The following KCNH8 variants were observed in gnomAD, a reference collection of about 807,000 sequenced individuals.
KCNH8 encodes voltage-gated delayed rectifier potassium channel KCNH8.
In KCNH8, 70 loss-of-function variants were observed where a neutral mutation model predicts 103.6. The ratio of observed to expected loss-of-function variants is 0.68; its 90% CI spans 0.56 to 0.82. The LOEUF (loss-of-function observed/expected upper bound fraction) is 0.82, where lower values mean the gene tolerates loss of function less well. Among genes scored for constraint, KCNH8 ranks in the 40% least tolerant of loss-of-function variants. The pLI is 0.00. For missense variants in KCNH8, 1,217 were observed against 1,329.9 expected, an observed-to-expected ratio of 0.92 and a Z score of 1.32; for synonymous variants, 498 against 489.4, an observed-to-expected ratio of 1.02 and a Z score of -0.23.
Position 19,453,141 on chromosome 3 carries a change from G to A in KCNH8, c.1825+1737G>A, listed in dbSNP as rs564034936. Among the ~76,000 whole-genome samples, 17 of 152,190 alleles carry A rather than the reference G, an allele frequency of 1.1e-4. 1 individual carries two copies. The East Asian group carries it at 3.1e-3, about 28-fold the overall frequency. On this transcript the variant is annotated intron_variant, in intron 10 of 15. Coordinates refer to ENST00000328405, the MANE Select transcript of KCNH8 (RefSeq NM_144633.3). The stretch of plus-strand genomic sequence containing the variant: ...ACATGTTCTCACTTATAATTGGGAG[G>A]TAAATAAAGTGTACAGATGGACATA...
At chr3:19,392,039 T>C (rs2066444834) in intron 6 of KCNH8, among the ~76,000 whole-genome samples, 1 of 151,454 alleles carries the variant, frequency 6.6e-6, no homozygotes, top group African/African-American at 2.4e-5. Flanking sequence ...TACTTTTTTA[T>C]GTTCCATTTT....
At chr3:19,381,520 C>T (rs2066287854) in intron 5 of KCNH8, among the ~76,000 whole-genome samples, 1 of 151,982 alleles carries the variant, frequency 6.6e-6, no homozygotes, top group Non-Finnish European at 1.5e-5. Context: ...GAAAATATAG[C>T]ACAATTCCTG....
At chr3:19,328,801 A>T (rs1292389393) in intron 3 of KCNH8, among the ~76,000 whole-genome samples, 1 of 152,188 alleles carries the variant, frequency 6.6e-6, no homozygotes, top group African/African-American at 2.4e-5. Flanking sequence ...TTAGAACAAA[A>T]TAGTGAATAA....
At chr3:19,211,137 G>A (rs1231588820) in intron 1 of KCNH8, among the ~76,000 whole-genome samples, 22 of 152,104 alleles carry the variant, frequency 1.4e-4, no homozygotes, top group Non-Finnish European at 4.4e-5. Flanking sequence ...GAAAGGTATT[G>A]TGGGTGAAAA....
At chr3:19,214,919 G>T (rs1344943604) in intron 1 of KCNH8, among the ~76,000 whole-genome samples, 1 of 152,202 alleles carries the variant, frequency 6.6e-6, no homozygotes, top group Non-Finnish European at 1.5e-5. Flanking sequence ...CTGGAGAAAG[G>T]TCTGCCATTA....
At chr3:19,297,760 G>A (rs1045980735) in intron 3 of KCNH8, among the ~76,000 whole-genome samples, 2 of 152,226 alleles carry the variant, frequency 1.3e-5, no homozygotes, top group African/African-American at 4.8e-5. Flanking sequence ...CAAAAACAGA[G>A]AAGTGGTGAA....
intron 4 of KCNH8, among the ~76,000 whole-genome samples, chr3:19,347,280 T>C (rs1273158205): frequency 6.6e-6 from 1 of 152,094 alleles, no homozygotes; most frequent in African/African-American, 2.4e-5. Context: ...AAAAGCACCA[T>C]TGCTGTCATC....
intron 3 of KCNH8, among the ~76,000 whole-genome samples, chr3:19,288,421 C>T (rs2064868141): frequency 6.6e-6 from 1 of 151,602 alleles, no homozygotes; most frequent in African/African-American, 2.4e-5. Context: ...TGATATTCCC[C>T]TTCCTGTATC....
At chr3:19,302,438 T>C (rs549807596) in intron 3 of KCNH8, among the ~76,000 whole-genome samples, 1 of 152,286 alleles carries the variant, frequency 6.6e-6, no homozygotes, top group South Asian at 2.1e-4. Context: ...TCTGTAATAA[T>C]CTTGGCTTCT....
At chr3:19,290,001 T>C (rs1437843392) in intron 3 of KCNH8, among the ~76,000 whole-genome samples, 2 of 152,336 alleles carry the variant, frequency 1.3e-5, no homozygotes, top group African/African-American at 4.8e-5. Flanking sequence ...TTGTTCTCTT[T>C]GAAGCAATTG....
At chr3:19,442,939 A>C (rs1300648332) in intron 8 of KCNH8, among the ~76,000 whole-genome samples, 1 of 152,094 alleles carries the variant, frequency 6.6e-6, no homozygotes, top group Admixed American at 6.6e-5. Flanking sequence ...ATTTAGACAT[A>C]AGGCAGAAGA....
At chr3:19,397,241 A>G (rs1349180228) in intron 7 of KCNH8, among the ~76,000 whole-genome samples, 3 of 151,910 alleles carry the variant, frequency 2.0e-5, no homozygotes, top group Admixed American at 1.3e-4. Flanking sequence ...CCAGAAACCA[A>G]TCTCGCAGAG....
At chr3:19,481,809 G>C (rs975796371) in intron 11 of KCNH8, among the ~76,000 whole-genome samples, 1 of 152,156 alleles carries the variant, frequency 6.6e-6, no homozygotes, top group Non-Finnish European at 1.5e-5. Flanking sequence ...ATTAACTGCT[G>C]GAGAAAGTAC....
chr3:19,290,220 A>G (rs1006980556), intron 3 of KCNH8, among the ~76,000 whole-genome samples: 1 of 152,054 alleles, frequency 6.6e-6, no homozygotes, highest in Non-Finnish European at 1.5e-5. Context: ...CCTTTTTCCT[A>G]ATTGAATACC....
At position 19,253,794 on chromosome 3, in the gene KCNH8, G is replaced by A. The variant is rs748376306; in HGVS notation, c.217G>A (p.Val73Ile). 4 of 1,613,876 alleles carry A rather than the reference G, an allele frequency of 2.5e-6. No individual in the cohort carries two copies. Among genetic ancestry groups the A allele is most frequent in the Non-Finnish European group, 3.4e-6 (4 of 1,179,892 alleles). Residue 73 changes from valine (V) to isoleucine (I), a missense_variant, in exon 2 of 16, where the codon GTT (valine) becomes ATT (isoleucine). Physicochemically the swap from Val to Ile is conservative, Grantham distance 29. This residue lies in a region of KCNH8 where 244 missense variants were observed against 256.8 expected (regional missense o/e 0.95). Coordinates refer to ENST00000328405, the MANE Select transcript of KCNH8 (RefSeq NM_144633.3). ...KSCSCKFLFGVETNEQLMLQI... is the reference protein window; with the variant it reads ...KSCSCKFLFGIETNEQLMLQI... The stretch of plus-strand genomic sequence containing the variant: ...TTGTAGCTGCAAGTTCTTATTTGGG[G>A]TTGAAACCAATGAGCAACTGATGCT...
intron 2 of KCNH8, among the ~76,000 whole-genome samples, chr3:19,267,137 A>G (rs2064523694): frequency 6.6e-6 from 1 of 152,044 alleles, no homozygotes; most frequent in Non-Finnish European, 1.5e-5. Context: ...GGGCCAATAA[A>G]GGCACAAAGG....
intron 5 of KCNH8, among the ~76,000 whole-genome samples, chr3:19,376,196 GC>G (rs1443543158): frequency 6.6e-6 from 1 of 152,192 alleles, no homozygotes; most frequent in Admixed American, 6.5e-5. Context: ...CCCTCCCCCA[GC>G]CTCGCTGCCG....
Position 19,499,932 on chromosome 3 carries a change from C to T in KCNH8, c.2041-10431C>T, listed in dbSNP as rs1434002869. Among the ~76,000 whole-genome samples, 6 of 152,224 alleles carry T rather than the reference C, an allele frequency of 3.9e-5. No homozygotes were observed. In the East Asian group the frequency reaches 7.7e-4, roughly 20 times the overall value. ...TCATAATGACAGGATCAAATTCACA[C>T]ATAACAATATTAACTTTAAATGTAA... is the stretch of plus-strand genomic sequence containing the variant. On this transcript the variant is annotated intron_variant, in intron 11 of 15. Coordinates refer to ENST00000328405, the MANE Select transcript of KCNH8 (RefSeq NM_144633.3).
chr3:19,356,565 A>G (rs545532337), intron 5 of KCNH8, among the ~76,000 whole-genome samples: 2 of 152,176 alleles, frequency 1.3e-5, no homozygotes, highest in Admixed American at 6.6e-5. Context: ...AAGTTTGGCT[A>G]TATAGTTACC....
Sources: allele counts gnomAD v4.1 joint callset (sites outside exome capture counted in the v4.1 genomes callset), GRCh38; gene constraint gnomAD v4.1.1; regional missense constraint gnomAD v4.1.1; transcripts MANE v1.5; gene names NCBI Gene and HGNC (gene_info 2026-07-23, HGNC 2026-07-21).